The following MALRD1 variants were observed in gnomAD, a reference collection of about 807,000 sequenced individuals.
The protein encoded by MALRD1 is MAM and LDL receptor class A domain containing 1.
Under a neutral mutation model 242.1 loss-of-function variants are expected in MALRD1, and 247 were observed. The ratio of observed to expected loss-of-function variants is 1.02; its 90% CI spans 0.92 to 1.13. The LOEUF (loss-of-function observed/expected upper bound fraction) is 1.13. Ranked by LOEUF, MALRD1 falls within the 50% of genes most tolerant of loss-of-function variation. The pLI is 0.00. For synonymous variants in MALRD1, 995 were observed against 866.6 expected, an observed-to-expected ratio of 1.15 and a Z score of -2.60; for missense variants, 2,989 against 2,533.1, an observed-to-expected ratio of 1.18 and a Z score of -3.86.
chr10:19,706,266 G>A (rs1833860855), intron 38 of MALRD1, among the ~76,000 whole-genome samples: 1 of 152,170 alleles, frequency 6.6e-6, no homozygotes, highest in African/African-American at 2.4e-5. Context: ...TAGAGACGTG[G>A]TTAAGGTCTT....
At chr10:19,367,077 T>C (rs1278888406) in intron 26 of MALRD1, among the ~76,000 whole-genome samples, 1 of 152,210 alleles carries the variant, frequency 6.6e-6, no homozygotes, top group African/African-American at 2.4e-5. Context: ...CAGGGTAATT[T>C]GCATATCCAT....
At chr10:19,395,501 A>T (rs539958405) in intron 28 of MALRD1, among the ~76,000 whole-genome samples, 1 of 152,272 alleles carries the variant, frequency 6.6e-6, no homozygotes, top group South Asian at 2.1e-4. Context: ...AGCCTTTCCA[A>T]GGGAGGCAAT....
Position 19,475,629 on chromosome 10 carries a change from T to G in MALRD1, c.5030-15888T>G, listed in dbSNP as rs567093354. 5.8e-4 allele frequency among the ~76,000 whole-genome samples: 89 copies of G among 152,278 alleles called. 1 individual carries two copies. Among genetic ancestry groups the G allele is most frequent in the Non-Finnish European group, 1.0e-3 (71 of 68,026 alleles). ...TAAATTGTTATACATTCCCTAAATCTAAGCAAGTTCAATGGAAAGGGTCAA... is the reference window on the plus strand; with the variant it reads ...TAAATTGTTATACATTCCCTAAATCGAAGCAAGTTCAATGGAAAGGGTCAA... On this transcript the variant is annotated intron_variant, in intron 29 of 39. Transcript: ENST00000454679.
intron 21 of MALRD1, among the ~76,000 whole-genome samples, chr10:19,307,033 A>AC (rs1414106287): frequency 6.6e-6 from 1 of 151,590 alleles, no homozygotes; most frequent in African/African-American, 2.4e-5. Context: ...ATCATGCTGA[A>AC]CAGAGGGTAT....
At chr10:19,341,097 A>T (rs1192761985) in intron 24 of MALRD1, among the ~76,000 whole-genome samples, 2 of 152,100 alleles carry the variant, frequency 1.3e-5, no homozygotes, top group African/African-American at 2.4e-5. Context: ...TTTTTTAACC[A>T]TTAGCAATAA....
Position 19,677,397 on chromosome 10 carries a change from A to G in MALRD1, c.6138-14885A>G, listed in dbSNP as rs138732977. ...GTATCTCATTGTGGTTTTGATTTGC[A>G]TTTTTCTAATGATCAGTGATGTTGA... On this transcript the variant is annotated intron_variant, in intron 36 of 39. Transcript: ENST00000454679. Among the ~76,000 whole-genome samples the G allele has an allele frequency of 2.6e-3, 393 of 152,070 alleles. 6 individuals are homozygous for G. In the East Asian group the frequency reaches 0.058, roughly 23 times the overall value.
rs1208703303 is a variant in MALRD1, at chr10:19,719,199, T to C, written c.6315-11507T>C. On this transcript the variant is annotated intron_variant, in intron 38 of 39. Transcript: ENST00000454679. The stretch of plus-strand genomic sequence containing the variant: ...ACATATATATATATATACATACATA[T>C]ATATATATATATACACATACATACA... Among the ~76,000 whole-genome samples, 95 of 31,650 alleles carry C rather than the reference T, an allele frequency of 3.0e-3. 2 individuals are homozygous for C. The highest frequency in any genetic ancestry group is 9.9e-3 in the East Asian group (10 of 1,012). 20.8% of individuals were successfully genotyped at this position (31,650 alleles called of 152,430 possible).
At chr10:19,533,007 A>G (rs1016332123) in intron 32 of MALRD1, among the ~76,000 whole-genome samples, 8 of 152,188 alleles carry the variant, frequency 5.3e-5, no homozygotes, top group Non-Finnish European at 1.2e-4. Context: ...AGATTCCTGC[A>G]ATTGAAGAGG....
chr10:19,166,092 A>G (rs1397300312), intron 13 of MALRD1, among the ~76,000 whole-genome samples: 1 of 152,186 alleles, frequency 6.6e-6, no homozygotes, highest in Non-Finnish European at 1.5e-5. Flanking sequence ...CACTTAAGAC[A>G]TGTGTAGAAT....
intron 36 of MALRD1, among the ~76,000 whole-genome samples, chr10:19,691,102 A>G (rs1197809182): frequency 6.6e-6 from 1 of 152,128 alleles, no homozygotes; most frequent in African/African-American, 2.4e-5. Flanking sequence ...TAGGATTCAC[A>G]AGGTCAAATG....
At chr10:19,378,408 C>G (rs1252791917) in intron 26 of MALRD1, among the ~76,000 whole-genome samples, 1 of 152,092 alleles carries the variant, frequency 6.6e-6, no homozygotes, top group Non-Finnish European at 1.5e-5. Context: ...TTTCCAGATT[C>G]AGTCAGCATC....
At chr10:19,467,261 A>C (rs1041364159) in intron 29 of MALRD1, among the ~76,000 whole-genome samples, 3 of 151,088 alleles carry the variant, frequency 2.0e-5, no homozygotes, top group African/African-American at 7.3e-5. Context: ...AGGCTGAGGC[A>C]GGAGAATGGC....
intron 8 of MALRD1, among the ~76,000 whole-genome samples, chr10:19,128,591 T>C (rs1435576659): frequency 6.6e-6 from 1 of 152,172 alleles, no homozygotes; most frequent in Non-Finnish European, 1.5e-5. Flanking sequence ...ACTTGCCCAA[T>C]ATTATTTCAT....
At chr10:19,106,459 G>C (rs1355705368) in intron 5 of MALRD1, among the ~76,000 whole-genome samples, 3 of 151,552 alleles carry the variant, frequency 2.0e-5, no homozygotes, top group Non-Finnish European at 3.0e-5. Context: ...TTTATCCTTT[G>C]TATTTCTGTG....
At chr10:19,384,355 A>G (rs551518789) in intron 26 of MALRD1, among the ~76,000 whole-genome samples, 2 of 124,806 alleles carry the variant, frequency 1.6e-5, no homozygotes, top group South Asian at 4.4e-4. Context: ...TATATAATAT[A>G]TATTATATAG....
intron 19 of MALRD1, among the ~76,000 whole-genome samples, chr10:19,271,794 C>T (rs1840259790): frequency 1.3e-5 from 2 of 152,088 alleles, no homozygotes. Context: ...CATTTAATCA[C>T]ATAACAACCT....
At position 19,387,598 on chromosome 10, in the gene MALRD1, C is replaced by A. The variant is rs1433882411; in HGVS notation, c.4512C>A (p.Phe1504Leu). Residue 1504 changes from phenylalanine (F) to leucine (L), a missense_variant, in exon 27 of 40, where the codon TTC becomes TTA. By Grantham distance (22) the Phe-to-Leu change is conservative (BLOSUM62 0). Transcript: ENST00000454679. The part of the protein sequence containing the change: ...KCYRLEQSCN[F>L]VDNCGDNTDE... ...ATAGGCTGGAACAAAGCTGTAACTT[C>A]GTAGATAACTGTGGAGATAATACTG... 2 of 1,550,300 alleles carry A rather than the reference C, an allele frequency of 1.3e-6. No individual in the cohort carries two copies. Among genetic ancestry groups the A allele is most frequent in the South Asian group, 1.2e-5 (1 of 84,046 alleles).
intron 21 of MALRD1, among the ~76,000 whole-genome samples, chr10:19,284,366 G>A (rs962953748): frequency 1.3e-5 from 2 of 148,516 alleles, no homozygotes; most frequent in South Asian, 2.1e-4. Flanking sequence ...TCGTCATCTA[G>A]CATTAGGTAT....
At position 19,246,056 on chromosome 10, in the gene MALRD1, A is replaced by G. The variant is rs16918396; in HGVS notation, c.2992-11628A>G. On this transcript the variant is annotated intron_variant, in intron 18 of 39. Coordinates refer to ENST00000454679, the MANE Select transcript of MALRD1 (RefSeq NM_001142308.3). ...TAATAAGAGCTTTTGTTAATGGTGA[A>G]GATTTTATCTGTGCTTTTAGTTCTG... Among the ~76,000 whole-genome samples, 882 of 152,238 alleles carry G rather than the reference A, an allele frequency of 5.8e-3. 15 individuals are homozygous for G. Among genetic ancestry groups the G allele is most frequent in the African/African-American group, 0.02 (847 of 41,562 alleles).
Sources: gnomAD v4.1 joint callset for allele counts (sites outside exome capture counted in the v4.1 genomes callset) on GRCh38, gnomAD v4.1.1 for gene constraint, MANE v1.5 for transcripts, NCBI Gene and HGNC (gene_info 2026-07-23, HGNC 2026-07-21) for gene names.